The following GET1 variants were observed in gnomAD, a reference collection of about 807,000 sequenced individuals.
GET1 encodes congenital heart disease 5 protein.
GET1 carries 20 observed loss-of-function variants against 22.6 expected under a neutral mutation model. That is an observed-to-expected ratio of 0.89 (90% CI 0.62 to 1.29). The LOEUF (loss-of-function observed/expected upper bound fraction) is 1.29. GET1 is among the 50% of genes most tolerant of loss of function. The probability of loss-of-function intolerance (pLI) is 0.00; values close to 1 mark genes in which losing one functional copy is unlikely to be tolerated. For missense variants in GET1, 209 were observed against 219.9 expected, an observed-to-expected ratio of 0.95 and a Z score of 0.31; for synonymous variants, 92 against 83.8, an observed-to-expected ratio of 1.10 and a Z score of -0.53.
downstream of GET1, chr21:39,397,906 A>G (rs920811257): frequency 2.6e-5 from 4 of 152,112 alleles, no homozygotes; most frequent in Non-Finnish European, 5.9e-5. Context: ...GCAAGTTCAT[A>G]TTTGTACTCT....
chr21:39,380,615 G>A (rs1458577410), intron 1 of GET1, 129 bp downstream of exon 1: 3 of 1,469,454 alleles, frequency 2.0e-6, no homozygotes, highest in Non-Finnish European at 2.7e-6. Context: ...TGGTCCGTAA[G>A]CTTTTTTGAG....
chr21:39,410,242 C>T (rs1249884586), downstream of GET1: 2 of 1,467,586 alleles, frequency 1.4e-6, no homozygotes, highest in Admixed American at 1.7e-5. Flanking sequence ...TCAGACACTG[C>T]AAGATTCCAA....
At chr21:39,383,167 G>A (rs943750720) in intron 1 of GET1, among the ~76,000 whole-genome samples, 3 of 151,896 alleles carry the variant, frequency 2.0e-5, no homozygotes, top group Admixed American at 2.0e-4. Flanking sequence ...AATTAGCCAG[G>A]ATGGTCTCGA....
Position 39,393,335 on chromosome 21 carries a change from T to G in GET1, c.451+55T>G. The G allele has an allele frequency of 7.1e-6, 10 of 1,408,254 alleles. No individual in the cohort carries two copies. The South Asian group carries it at 1.1e-4, about 15-fold the overall frequency. 87.2% of individuals were successfully genotyped at this position (1,408,254 alleles called of 1,614,324 possible). ...GAGTGTGAATAGGCTTATGTAGAGG[T>G]GTGTGGTAGAAGATTAAGTTAGCCT... On this transcript the variant is annotated intron_variant, in intron 4 of 4. Coordinates refer to ENST00000649170, the MANE Select transcript of GET1 (RefSeq NM_004627.6).
At chr21:39,398,765 C>T (rs1049106016), downstream of GET1, among the ~76,000 whole-genome samples, 19 of 152,190 alleles carry the variant, frequency 1.2e-4, no homozygotes, top group Middle Eastern at 3.4e-3. Context: ...AGGCGCCCGC[C>T]GTCACGCCCA....
At chr21:39,424,632 A>G (rs1276978323) in intron 1 of GET1, among the ~76,000 whole-genome samples, 1 of 152,232 alleles carries the variant, frequency 6.6e-6, no homozygotes, top group African/African-American at 2.4e-5. Context: ...TGAGAATCCA[A>G]TGTAAAGAAC....
At chr21:39,396,073 A>G (rs1215376444) in intron 4 of GET1, among the ~76,000 whole-genome samples, 1 of 152,182 alleles carries the variant, frequency 6.6e-6, no homozygotes, top group East Asian at 1.9e-4. Flanking sequence ...CTGCTTAGTA[A>G]AGAATACAGC....
chr21:39,407,676 C>T (rs1268520807), downstream of GET1: 1 of 152,206 alleles, frequency 6.6e-6, no homozygotes, highest in African/African-American at 2.4e-5. Flanking sequence ...AGAATATAAG[C>T]ACATGAGGGC....
chr21:39,387,919 C>G, intron 1 of GET1: 2 of 869,658 alleles, frequency 2.3e-6, no homozygotes, highest in African/African-American at 1.8e-5. Context: ...TTTAGATACA[C>G]TATAACATTT....
intron 1 of GET1, among the ~76,000 whole-genome samples, chr21:39,419,441 C>G (rs1235930637): frequency 6.7e-6 from 1 of 148,468 alleles, no homozygotes; most frequent in Non-Finnish European, 1.5e-5. Flanking sequence ...GGGAAGATCA[C>G]TTTAGCCCAG....
intron 1 of GET1, among the ~76,000 whole-genome samples, chr21:39,385,477 G>A (rs933169541): frequency 6.6e-6 from 1 of 152,172 alleles, no homozygotes; most frequent in Non-Finnish European, 1.5e-5. Flanking sequence ...ATTTTCCTGG[G>A]ATCGCTCCCT....
downstream of GET1, among the ~76,000 whole-genome samples, chr21:39,401,862 A>T (rs529109597): frequency 6.6e-6 from 1 of 152,264 alleles, no homozygotes; most frequent in South Asian, 2.1e-4. Context: ...GTTTTGGGGC[A>T]TCAAGAACTA....
At chr21:39,386,791 A>T (rs2037934880) in intron 1 of GET1, among the ~76,000 whole-genome samples, 1 of 152,080 alleles carries the variant, frequency 6.6e-6, no homozygotes, top group Non-Finnish European at 1.5e-5. Context: ...ACATTTTAAC[A>T]CTTATACGTG....
chr21:39,407,689 G>C (rs550898797), downstream of GET1: 1 of 152,254 alleles, frequency 6.6e-6, no homozygotes, highest in South Asian at 2.1e-4. Context: ...ATGAGGGCAG[G>C]GTTTTGCATT....
Position 39,380,377 on chromosome 21 carries a change from C to G in GET1, c.-8C>G, listed in dbSNP as rs763475953. 3 of 1,595,612 alleles carry G rather than the reference C, an allele frequency of 1.9e-6. No homozygotes were observed. The highest frequency in any genetic ancestry group is 2.6e-6 in the Non-Finnish European group (3 of 1,169,846). ...GTAGCGGACCCAGCACAGCCAGGAGCGTCCGGGATGAGCTCAGCCGCGGCC... is the reference window on the plus strand; with the variant it reads ...GTAGCGGACCCAGCACAGCCAGGAGGGTCCGGGATGAGCTCAGCCGCGGCC... On this transcript the variant is annotated 5_prime_UTR_variant, in exon 1 of 5. Transcript: ENST00000649170.
At chr21:39,419,964 G>A (rs2042007302) in intron 1 of GET1, among the ~76,000 whole-genome samples, 1 of 152,120 alleles carries the variant, frequency 6.6e-6, no homozygotes, top group African/African-American at 2.4e-5. Flanking sequence ...GTAAAACTAA[G>A]ATAAATTTAT....
chr21:39,403,279 C>G (rs1468012036), intron 4 of GET1, among the ~76,000 whole-genome samples: 1 of 152,196 alleles, frequency 6.6e-6, no homozygotes, highest in Non-Finnish European at 1.5e-5. Flanking sequence ...CATAAACGAT[C>G]AAAGCATATG....
At chr21:39,417,790 G>A (rs2041497961) in intron 1 of GET1, among the ~76,000 whole-genome samples, 1 of 151,872 alleles carries the variant, frequency 6.6e-6, no homozygotes, top group African/African-American at 2.4e-5. Context: ...TTTTGAGATG[G>A]AGTCTCGCTC....
intron 1 of GET1, among the ~76,000 whole-genome samples, chr21:39,415,465 C>G (rs907500316): frequency 6.6e-6 from 1 of 152,216 alleles, no homozygotes; most frequent in Non-Finnish European, 1.5e-5. Context: ...GTTTCCCACT[C>G]TCTCTGACCA....
Sources: allele counts gnomAD v4.1 joint callset (sites outside exome capture counted in the v4.1 genomes callset), GRCh38; gene constraint gnomAD v4.1.1; transcripts MANE v1.5; gene names NCBI Gene and HGNC (gene_info 2026-07-23, HGNC 2026-07-21).